Variants in PSTPIP2 observed in about 807,000 individuals in gnomAD.
PSTPIP2 encodes proline-serine-threonine phosphatase interacting protein 2.
A neutral mutation model predicts 63.3 loss-of-function variants in PSTPIP2; 33 were observed. The observed-to-expected ratio is 0.52, with a 90% confidence interval of 0.40 to 0.70. The LOEUF is 0.70. Ranked by LOEUF, PSTPIP2 falls within the 30% of genes least tolerant of loss-of-function variation. The pLI, the probability that PSTPIP2 is intolerant of heterozygous loss-of-function variation, is 0.00. For synonymous variants in PSTPIP2, 125 were observed against 132.7 expected (o/e 0.94, Z 0.40); for missense variants, 312 against 400.7 (o/e 0.78, Z 1.89).
At position 45,991,886 on chromosome 18, in the gene PSTPIP2, G is replaced by A. The variant is rs778732813; in HGVS notation, c.920+16C>T. 4.5e-6 allele frequency: 7 copies of A among 1,567,730 alleles called. No individual in the cohort carries two copies. In the South Asian group the frequency reaches 5.7e-5, roughly 13 times the overall value. ...TAAAAGTATTTTTCTTCATATGAAA[G>A]GCAGCTGGTTATTACCTTGCCAAGT... On this transcript the variant is annotated intron_variant, in intron 12 of 14. Coordinates refer to ENST00000409746, the MANE Select transcript of PSTPIP2 (RefSeq NM_024430.4).
At chr18:46,059,492 G>C (rs1304346640) in intron 1 of PSTPIP2, among the ~76,000 whole-genome samples, 1 of 151,946 alleles carries the variant, frequency 6.6e-6, no homozygotes, top group Admixed American at 6.6e-5. Flanking sequence ...CAAGTGATCT[G>C]CCTGCCTCAG....
chr18:46,051,251 G>A (rs1014035985), intron 1 of PSTPIP2, among the ~76,000 whole-genome samples: 5 of 152,144 alleles, frequency 3.3e-5, no homozygotes, highest in African/African-American at 1.2e-4. Flanking sequence ...CAAGGCAGGA[G>A]GATCACTTGA....
intron 14 of PSTPIP2, among the ~76,000 whole-genome samples, chr18:45,985,746 A>C (rs1387139496): frequency 6.6e-6 from 1 of 152,118 alleles, no homozygotes; most frequent in Non-Finnish European, 1.5e-5. Context: ...ACAACTACAA[A>C]ACAAATCACA....
intron 5 of PSTPIP2, among the ~76,000 whole-genome samples, chr18:46,008,002 T>A (rs543015063): frequency 3.3e-5 from 5 of 152,310 alleles, no homozygotes; most frequent in South Asian, 4.1e-4. Flanking sequence ...CATATTCACT[T>A]ATGGGGTGAC....
chr18:46,003,423 G>A (rs2051690229), intron 6 of PSTPIP2, among the ~76,000 whole-genome samples: 1 of 152,154 alleles, frequency 6.6e-6, no homozygotes, highest in Non-Finnish European at 1.5e-5. Flanking sequence ...TCTCCACTTG[G>A]CCTTTGCTGA....
chr18:46,018,091 C>T (rs2144089585), intron 3 of PSTPIP2, among the ~76,000 whole-genome samples: 1 of 152,082 alleles, frequency 6.6e-6, no homozygotes, highest in East Asian at 1.9e-4. Context: ...TGAAAGTCAC[C>T]CTACTCATCC....
Position 46,047,587 on chromosome 18 carries a change from G to A in PSTPIP2, c.34-7540C>T, listed in dbSNP as rs562291166. On this transcript the variant is annotated intron_variant, in intron 1 of 14. Transcript: ENST00000409746. ...AGTCTGGACAACAGAGCGAGAATGT[G>A]CCTGAGGCAGGAGAATCGCTTGAAC... Among the ~76,000 whole-genome samples, 549 of 152,276 alleles carry A rather than the reference G, an allele frequency of 3.6e-3. 5 individuals carry two copies. Among genetic ancestry groups the A allele is most frequent in the African/African-American group, 0.012 (501 of 41,564 alleles).
chr18:45,988,621 TATAAATA>T, intron 14 of PSTPIP2, 74 bp downstream of exon 14: 1 of 1,256,802 alleles, frequency 8.0e-7, no homozygotes, highest in Admixed American at 1.8e-5. Context: ...GTGGTAGTGT[TATAAATA>T]AGGTTCAAAG....
chr18:46,035,452 A>G (rs1010969065), intron 2 of PSTPIP2, among the ~76,000 whole-genome samples: 4 of 150,314 alleles, frequency 2.7e-5, no homozygotes, highest in African/African-American at 7.3e-5. Flanking sequence ...GAGAGAGAGA[A>G]ATAAAAGAAG....
intron 1 of PSTPIP2, among the ~76,000 whole-genome samples, chr18:46,064,830 C>T (rs925161216): frequency 1.3e-5 from 2 of 152,022 alleles, no homozygotes; most frequent in African/African-American, 4.8e-5. Flanking sequence ...ACACGAATGA[C>T]ATGCACCACA....
chr18:46,040,084 GA>G, intron 1 of PSTPIP2, 37 bp from the exon 2 acceptor site: 1 of 1,492,404 alleles, frequency 6.7e-7, no homozygotes, highest in Non-Finnish European at 9.1e-7. Context: ...ACCAGGAACA[GA>G]AGGCAGCCCC....
rs201295132 is a variant in PSTPIP2, at chr18:45,992,248, T to C, written c.742-46A>G. The C allele has an allele frequency of 5.3e-5, 78 of 1,462,898 alleles. 1 individual carries two copies. The East Asian group carries it at 1.8e-3, about 34-fold the overall frequency. 90.6% of individuals were successfully genotyped at this position (1,462,898 alleles called of 1,614,324 possible). A position where few individuals can be genotyped will look rare whatever the true frequency, so the allele number is the denominator to read the frequency against. On this transcript the variant is annotated intron_variant, in intron 10 of 14. Coordinates refer to ENST00000409746, the MANE Select transcript of PSTPIP2 (RefSeq NM_024430.4). ...AATAGGTAGAGGTATGTTGAGATCA[T>C]TGTGACACAGCTCCTTAAAAACATG...
chr18:46,034,515 TG>T (rs1466320907), intron 2 of PSTPIP2, among the ~76,000 whole-genome samples: 4 of 152,240 alleles, frequency 2.6e-5, no homozygotes, highest in Non-Finnish European at 4.4e-5. Flanking sequence ...TGTTCTTATC[TG>T]TAAAAGGAAG....
At chr18:46,071,800 G>A (rs1475882827) in intron 1 of PSTPIP2, among the ~76,000 whole-genome samples, 1 of 152,172 alleles carries the variant, frequency 6.6e-6, no homozygotes, top group Non-Finnish European at 1.5e-5. Context: ...CCTGTGAGAG[G>A]AGGGGTTGAT....
At chr18:46,060,138 C>T (rs927661870) in intron 1 of PSTPIP2, among the ~76,000 whole-genome samples, 9 of 151,994 alleles carry the variant, frequency 5.9e-5, no homozygotes, top group Non-Finnish European at 1.2e-4. Flanking sequence ...TGTTTTAAAT[C>T]GTCATTTAAA....
chr18:46,045,353 T>C (rs1333460643), intron 1 of PSTPIP2, among the ~76,000 whole-genome samples: 1 of 152,168 alleles, frequency 6.6e-6, no homozygotes, highest in Non-Finnish European at 1.5e-5. Context: ...GAGTTCACGT[T>C]CTTTGTAGGA....
At chr18:46,019,942 C>T (rs1185346410) in intron 3 of PSTPIP2, among the ~76,000 whole-genome samples, 1 of 152,180 alleles carries the variant, frequency 6.6e-6, no homozygotes, top group Non-Finnish European at 1.5e-5. Context: ...GGAGATACAA[C>T]TGGAATTCTC....
rs897788474 is a variant in PSTPIP2, at chr18:45,984,113, A to C, written c.*1346T>G. 2.6e-5 allele frequency: 4 copies of C among 152,216 alleles called. No homozygotes were observed. Among genetic ancestry groups the C allele is most frequent in the Non-Finnish European group, 4.4e-5 (3 of 68,044 alleles). The allele number at this position is 152,216 out of a possible 1,614,324, so 9.4% of individuals were successfully genotyped here. On this transcript the variant is annotated 3_prime_UTR_variant, in exon 15 of 15. Coordinates refer to ENST00000409746, the MANE Select transcript of PSTPIP2 (RefSeq NM_024430.4). The stretch of plus-strand genomic sequence containing the variant: ...CAGTGAGCTGAGATCATGCCGCTGC[A>C]CTTCAGCCTGGGGGACAGAGAGAGA...
At chr18:46,041,067 A>G (rs1268430966) in intron 1 of PSTPIP2, 1 of 457,452 alleles carries the variant, frequency 2.2e-6, no homozygotes, top group Admixed American at 2.3e-5. Context: ...TCCTACCACC[A>G]GTTAGCGCTA....
Sources: gnomAD v4.1 joint callset for allele counts (sites outside exome capture counted in the v4.1 genomes callset) on GRCh38, gnomAD v4.1.1 for gene constraint, MANE v1.5 for transcripts, NCBI Gene and HGNC (gene_info 2026-07-23, HGNC 2026-07-21) for gene names.